RBFOX1: variants seen among roughly 807,000 people sequenced by gnomAD.
RBFOX1 encodes RNA binding fox-1 homolog 1.
Under a neutral mutation model 57.7 loss-of-function variants are expected in RBFOX1, and 8 were observed. That is an observed-to-expected ratio of 0.14 (90% CI 0.08 to 0.25). RBFOX1 has a LOEUF of 0.25. RBFOX1 is among the 10% of genes least tolerant of loss of function. RBFOX1 has a pLI of 1.00. For synonymous variants in RBFOX1, 326 were observed against 222.4 expected, an observed-to-expected ratio of 1.47 and a Z score of -4.15; for missense variants, 611 against 548.5, an observed-to-expected ratio of 1.11 and a Z score of -1.14.
chr16:5,752,084 C>T (rs570493098), intron 3 of RBFOX1, among the ~76,000 whole-genome samples: 1 of 152,052 alleles, frequency 6.6e-6, no homozygotes, highest in African/African-American at 2.4e-5. Flanking sequence ...CAATACTATC[C>T]AGCCATAAAA....
intron 2 of RBFOX1, among the ~76,000 whole-genome samples, chr16:6,649,506 C>G (rs1009107434): frequency 1.2e-4 from 19 of 152,112 alleles, no homozygotes; most frequent in African/African-American, 4.6e-4. Context: ...ATCTTTTATC[C>G]CTCACCACTC....
chr16:6,617,041 C>G (rs532791822), intron 2 of RBFOX1, among the ~76,000 whole-genome samples: 2 of 151,942 alleles, frequency 1.3e-5, no homozygotes, highest in African/African-American at 4.8e-5. Flanking sequence ...TGTTGATTAC[C>G]GGTATACAGT....
chr16:5,812,404 T>C (rs1465012335), intron 3 of RBFOX1, among the ~76,000 whole-genome samples: 3 of 152,034 alleles, frequency 2.0e-5, no homozygotes, highest in Non-Finnish European at 4.4e-5. Context: ...CCACCAGCAG[T>C]CTATAAAAGT....
At chr16:5,561,716 G>T (rs2045897293) in intron 2 of RBFOX1, among the ~76,000 whole-genome samples, 1 of 152,024 alleles carries the variant, frequency 6.6e-6, no homozygotes, top group Non-Finnish European at 1.5e-5. Context: ...CTCCAGGAGG[G>T]TCCCCAGGAC....
intron 2 of RBFOX1, among the ~76,000 whole-genome samples, chr16:6,476,830 G>T (rs867658506): frequency 1.3e-5 from 2 of 152,164 alleles, no homozygotes; most frequent in Non-Finnish European, 2.9e-5. Context: ...TTCAGAATTG[G>T]AGTGAATCCT....
chr16:6,513,368 G>A (rs953044702), intron 2 of RBFOX1, among the ~76,000 whole-genome samples: 1 of 151,640 alleles, frequency 6.6e-6, no homozygotes, highest in African/African-American at 2.4e-5. Context: ...ATTCCTTATG[G>A]CCTCATATCT....
rs547086151 is a variant in RBFOX1, at chr16:7,198,307, T to C, written c.27+146209T>C. On this transcript the variant is annotated intron_variant, in intron 4 of 15. Coordinates refer to ENST00000550418, the MANE Select transcript of RBFOX1 (RefSeq NM_018723.4). ...GGCGTAAGCCACCGCACATGGCCAA[T>C]ATACCCGGTGGTTTTCTTCTGGGGT... is the stretch of plus-strand genomic sequence containing the variant. Among the ~76,000 whole-genome samples the C allele has an allele frequency of 2.6e-5, 4 of 152,258 alleles. No individual in the cohort carries two copies. The South Asian group carries it at 6.2e-4, about 24-fold the overall frequency.
intron 3 of RBFOX1, among the ~76,000 whole-genome samples, chr16:5,625,035 A>G (rs865865698): frequency 7.2e-5 from 11 of 152,230 alleles, no homozygotes; most frequent in African/African-American, 4.8e-5. Context: ...GTCACCCTCC[A>G]TAGGCGGCTC....
intron 3 of RBFOX1, among the ~76,000 whole-genome samples, chr16:6,684,218 G>T (rs968238732): frequency 6.6e-6 from 1 of 152,212 alleles, no homozygotes; most frequent in African/African-American, 2.4e-5. Context: ...TCTTATGCAT[G>T]GAACTGGTGG....
intron 4 of RBFOX1, among the ~76,000 whole-genome samples, chr16:7,058,848 G>C (rs189210499): frequency 6.6e-6 from 1 of 151,974 alleles, no homozygotes; most frequent in Non-Finnish European, 1.5e-5. Context: ...GTTAAAAATG[G>C]GTTGCTTTAA....
At chr16:6,169,746 C>T (rs968142799) in intron 1 of RBFOX1, among the ~76,000 whole-genome samples, 2 of 152,138 alleles carry the variant, frequency 1.3e-5, no homozygotes, top group African/African-American at 4.8e-5. Flanking sequence ...TTGTTACAGG[C>T]ACATGCTCCT....
At chr16:6,552,587 T>C (rs914661854) in intron 2 of RBFOX1, among the ~76,000 whole-genome samples, 31 of 152,220 alleles carry the variant, frequency 2.0e-4, no homozygotes, top group Non-Finnish European at 2.6e-4. Flanking sequence ...ACAACAATAC[T>C]TGAGGAATTT....
chr16:5,941,958 T>C (rs891288216), intron 4 of RBFOX1, among the ~76,000 whole-genome samples: 5 of 151,696 alleles, frequency 3.3e-5, no homozygotes, highest in African/African-American at 4.8e-5. Context: ...CCACCATTGT[T>C]ATGGTATTTT....
chr16:6,654,643 A>T lies in RBFOX1; in HGVS notation c.-23A>T. 6.6e-7 allele frequency: 1 copy of T among 1,509,854 alleles called. No individual in the cohort carries two copies. Among genetic ancestry groups the T allele is most frequent in the South Asian group, 1.3e-5 (1 of 78,968 alleles). 93.5% of individuals were successfully genotyped at this position (1,509,854 alleles called of 1,614,324 possible). On this transcript the variant is annotated 5_prime_UTR_variant, in exon 3 of 16. Coordinates refer to ENST00000550418, the MANE Select transcript of RBFOX1 (RefSeq NM_018723.4). Reference sequence around the variant, plus strand: ...TGCAATACCTGCGTGGAAATAGAAGACAGAAAGGTGAGTCAATATTTTTCA... The same window carrying T: ...TGCAATACCTGCGTGGAAATAGAAGTCAGAAAGGTGAGTCAATATTTTTCA...
At chr16:6,732,798 A>G (rs1384191408) in intron 3 of RBFOX1, among the ~76,000 whole-genome samples, 5 of 152,230 alleles carry the variant, frequency 3.3e-5, no homozygotes, top group Admixed American at 2.0e-4. Context: ...AAGAGTAAAT[A>G]ATGAGGTGGA....
At chr16:5,479,477 G>A (rs1454800316) in intron 2 of RBFOX1, among the ~76,000 whole-genome samples, 3 of 152,112 alleles carry the variant, frequency 2.0e-5, no homozygotes, top group Admixed American at 1.3e-4. Context: ...ATTTCTCCCC[G>A]GCCAGGCATG....
intron 4 of RBFOX1, among the ~76,000 whole-genome samples, chr16:7,478,946 C>G (rs560772021): frequency 6.6e-6 from 1 of 151,918 alleles, no homozygotes; most frequent in African/African-American, 2.4e-5. Context: ...CGTTTGTTCC[C>G]GTGCGGACCG....
intron 2 of RBFOX1, among the ~76,000 whole-genome samples, chr16:6,513,928 G>T (rs999338730): frequency 1.3e-5 from 2 of 152,212 alleles, no homozygotes; most frequent in South Asian, 4.2e-4. Flanking sequence ...AGTGGAAAAC[G>T]GGCTGATGGG....
chr16:6,523,222 G>T (rs190187839), intron 2 of RBFOX1, among the ~76,000 whole-genome samples: 1 of 152,024 alleles, frequency 6.6e-6, no homozygotes, highest in African/African-American at 2.4e-5. Flanking sequence ...CTGATAAAGA[G>T]CAAGTACTTG....
Sources: gnomAD v4.1 joint callset for allele counts (sites outside exome capture counted in the v4.1 genomes callset) on GRCh38, gnomAD v4.1.1 for gene constraint, MANE v1.5 for transcripts, NCBI Gene and HGNC (gene_info 2026-07-23, HGNC 2026-07-21) for gene names.